STARD13: variants seen among roughly 807,000 people sequenced by gnomAD.
The protein encoded by STARD13 is StAR related lipid transfer domain containing 13, also known as stAR-related lipid transfer protein 13.
A neutral mutation model predicts 106.4 loss-of-function variants in STARD13; 62 were observed. The observed-to-expected ratio is 0.58, with a 90% confidence interval of 0.48 to 0.72. The LOEUF is 0.72. Ranked by LOEUF, STARD13 falls within the 30% of genes least tolerant of loss-of-function variation. The pLI is 0.00. For synonymous variants in STARD13, 565 were observed against 553.0 expected, an observed-to-expected ratio of 1.02 and a Z score of -0.31; for missense variants, 1,387 against 1,424.0, an observed-to-expected ratio of 0.97 and a Z score of 0.42.
chr13:33,329,655 A>G (rs556191155), intron 1 of STARD13, among the ~76,000 whole-genome samples: 1,496 of 144,286 alleles, frequency 0.01, 34 homozygotes, highest in African/African-American at 0.035. Flanking sequence ...GTGTGTGTGT[A>G]TGTGTGTGTG....
intron 1 of STARD13, among the ~76,000 whole-genome samples, chr13:33,214,699 TACACAC>T (rs55996131): frequency 0.11 from 15,540 of 143,974 alleles, 934 homozygotes; most frequent in Admixed American, 0.22. Flanking sequence ...CATGCACACA[TACACAC>T]ACACACACAC....
the STARD13 span, among the ~76,000 whole-genome samples, chr13:33,625,726 G>A: frequency 3.2e-3 from 478 of 150,530 alleles, no homozygotes; most frequent in African/African-American, 0.01. Context: ...TTTTTGAGAC[G>A]GAGTCTCGCT....
chr13:33,369,044 T>C, the STARD13 span, among the ~76,000 whole-genome samples: 1 of 151,894 alleles, frequency 6.6e-6, no homozygotes, highest in Admixed American at 6.6e-5. Context: ...GGGTGCCTAG[T>C]TCAATTCGAA....
intron 1 of STARD13, among the ~76,000 whole-genome samples, chr13:33,290,878 A>G (rs1892266268): frequency 6.6e-6 from 1 of 152,230 alleles, no homozygotes; most frequent in Admixed American, 6.5e-5. Flanking sequence ...TCCACCCATG[A>G]GACTCAGTTA....
intron 3 of STARD13, among the ~76,000 whole-genome samples, chr13:33,152,773 C>T (rs1881449410): frequency 6.6e-6 from 1 of 152,202 alleles, no homozygotes; most frequent in Admixed American, 6.5e-5. Context: ...CTGCTGTCTC[C>T]CTTGTGCTCA....
At position 33,326,484 on chromosome 13, in the gene STARD13, TC is replaced by T. The variant is rs1436660186; in HGVS notation, c.124+23805del. Among the ~76,000 whole-genome samples the T allele has an allele frequency of 2.0e-5, 3 of 152,248 alleles. No homozygotes were observed. In the East Asian group the frequency reaches 5.8e-4, roughly 29 times the overall value. On this transcript the variant is annotated intron_variant, in intron 1 of 5. Transcript: ENST00000567873. ...TTTAAAACTATTGTCTTTGGTTTCT[TC>T]CTGTACTCCGACATTAAGGGGAGAA...
chr13:33,279,098 A>T (rs1326970077), intron 1 of STARD13, among the ~76,000 whole-genome samples: 1 of 152,108 alleles, frequency 6.6e-6, no homozygotes, highest in African/African-American at 2.4e-5. Context: ...TGATTGCCTC[A>T]CTACCCTGTT....
chr13:33,301,558 CTTTTT>C (rs1435191465), intron 1 of STARD13, among the ~76,000 whole-genome samples: 1 of 13,040 alleles, frequency 7.7e-5, no homozygotes, highest in South Asian at 6.2e-3. Flanking sequence ...GTTTCTTTTT[CTTTTT>C]TTTTCTTTTT....
At position 33,219,518 on chromosome 13, in the gene STARD13, CAAAAAAA is replaced by C. The variant is rs55933962; in HGVS notation, c.170-51903_170-51897del. Among the ~76,000 whole-genome samples the C allele has an allele frequency of 9.5e-4, 58 of 61,244 alleles. 1 individual carries two copies. Among genetic ancestry groups the C allele is most frequent in the African/African-American group, 2.4e-3 (37 of 15,138 alleles). 40.2% of individuals were successfully genotyped at this position (61,244 alleles called of 152,430 possible). A position where few individuals can be genotyped will look rare whatever the true frequency, so the allele number is the denominator to read the frequency against. On this transcript the variant is annotated intron_variant, in intron 1 of 13. Coordinates refer to ENST00000336934, the MANE Select transcript of STARD13 (RefSeq NM_178006.4). ...TGGGCGACAGAGTGAGACTCCTTCTCAAAAAAAAAAAAAAAAAAAAAAAAAAAAATAG... is the reference window on the plus strand; with the variant it reads ...TGGGCGACAGAGTGAGACTCCTTCTCAAAAAAAAAAAAAAAAAAAAAATAG...
chr13:33,593,003 G>A, the STARD13 span, among the ~76,000 whole-genome samples: 1 of 151,964 alleles, frequency 6.6e-6, no homozygotes, highest in African/African-American at 2.4e-5. Context: ...ATGAAGGTGG[G>A]CACCTAGGAG....
At chr13:33,230,207 A>G (rs1211955068) in intron 1 of STARD13, among the ~76,000 whole-genome samples, 1 of 152,202 alleles carries the variant, frequency 6.6e-6, no homozygotes, top group East Asian at 1.9e-4. Context: ...TAAATCTTGT[A>G]TTGGAAAAGT....
the STARD13 span, among the ~76,000 whole-genome samples, chr13:33,597,583 C>T: frequency 3.3e-5 from 5 of 151,982 alleles, no homozygotes; most frequent in Admixed American, 1.3e-4. Context: ...CGGTGGCTCA[C>T]GCCTCTAATC....
chr13:33,373,663 A>T, the STARD13 span, among the ~76,000 whole-genome samples: 1 of 152,146 alleles, frequency 6.6e-6, no homozygotes, highest in South Asian at 2.1e-4. Context: ...TGCCAATAAG[A>T]TATACAAATG....
At chr13:33,456,282 C>T in the STARD13 span, among the ~76,000 whole-genome samples, 4 of 152,094 alleles carry the variant, frequency 2.6e-5, no homozygotes, top group East Asian at 1.9e-4. Context: ...CTCTGTCTCC[C>T]GGGTTCAAGC....
intron 1 of STARD13, among the ~76,000 whole-genome samples, chr13:33,285,181 A>T (rs564787063): frequency 1.3e-5 from 2 of 152,294 alleles, no homozygotes; most frequent in South Asian, 4.1e-4. Flanking sequence ...ATACACACTG[A>T]GTAACAGTTC....
the STARD13 span, among the ~76,000 whole-genome samples, chr13:33,452,563 T>G: frequency 6.6e-6 from 1 of 152,218 alleles, no homozygotes; most frequent in African/African-American, 2.4e-5. Flanking sequence ...TTATTGTATA[T>G]TAGAAAGACT....
chr13:33,605,967 A>G, the STARD13 span, among the ~76,000 whole-genome samples: 1 of 152,144 alleles, frequency 6.6e-6, no homozygotes, highest in African/African-American at 2.4e-5. Flanking sequence ...TAGCTGAGCA[A>G]GTTACTTAAT....
chr13:33,548,875 G>A, the STARD13 span, among the ~76,000 whole-genome samples: 2 of 151,906 alleles, frequency 1.3e-5, no homozygotes, highest in Admixed American at 6.6e-5. Context: ...TAATTTCTAG[G>A]TAGACCAAAG....
chr13:33,210,464 T>C (rs1887657609), intron 1 of STARD13, among the ~76,000 whole-genome samples: 1 of 152,194 alleles, frequency 6.6e-6, no homozygotes, highest in Non-Finnish European at 1.5e-5. Flanking sequence ...CAGTCTCTCA[T>C]TGTTGACTAG....
Sources: allele counts gnomAD v4.1 joint callset (sites outside exome capture counted in the v4.1 genomes callset), GRCh38; gene constraint gnomAD v4.1.1; transcripts MANE v1.5; gene names NCBI Gene and HGNC (gene_info 2026-07-23, HGNC 2026-07-21).